Variants in COL6A5 observed in about 807,000 individuals in gnomAD.
The protein encoded by COL6A5 is collagen type VI alpha 5 chain, also known as collagen alpha-5(VI) chain.
Under a neutral mutation model 65.6 loss-of-function variants are expected in COL6A5, and 48 were observed. The ratio of observed to expected loss-of-function variants is 0.73; its 90% CI spans 0.58 to 0.93. COL6A5 has a LOEUF of 0.93. Ranked by LOEUF, COL6A5 falls within the 40% of genes least tolerant of loss-of-function variation. The probability of loss-of-function intolerance (pLI) is 0.00; values close to 1 mark genes in which losing one functional copy is unlikely to be tolerated. For missense variants in COL6A5, 914 were observed against 928.3 expected (o/e 0.98, Z 0.20); for synonymous variants, 291 against 322.8 (o/e 0.90, Z 1.05).
In COL6A5 at chr3:130,398,024, C is replaced by T; in HGVS notation, c.3910-6C>T. 1.9e-6 allele frequency: 3 copies of T among 1,550,174 alleles called. No homozygotes were observed. The highest frequency in any genetic ancestry group is 2.6e-6 in the Non-Finnish European group (3 of 1,145,842). ...TTTACACCATACCATTTTCTTATTT[C>T]TCCAGGTGCTGCTTATTTTTTCAGA... On this transcript the variant is annotated splice_region_variant and splice_polypyrimidine_tract_variant and intron_variant and NMD_transcript_variant, in intron 9 of 41. Coordinates refer to the COL6A5 transcript ENST00000312481.
intron 5 of COL6A5, among the ~76,000 whole-genome samples, chr3:130,386,508 A>G (rs1161228467): frequency 1.3e-5 from 2 of 152,108 alleles, no homozygotes; most frequent in Admixed American, 6.6e-5. Context: ...AAATAGCATT[A>G]ACAACAAAAT....
rs1433131383 is a variant in COL6A5 at position 130,397,715 on chromosome 3, T to G, written c.3701T>G (p.Val1234Gly). 4 of 1,550,856 alleles carry G rather than the reference T, an allele frequency of 2.6e-6. No individual in the cohort carries two copies. In the East Asian group the frequency reaches 9.8e-5, roughly 38 times the overall value. ...GAAGACATCAGCTCTATCAAGGGGGTGAGCTGTGGGGCTGGCACAGAGGCA... is the reference window on the plus strand; with the variant it reads ...GAAGACATCAGCTCTATCAAGGGGGGGAGCTGTGGGGCTGGCACAGAGGCA... Residue 1234 changes from valine (V) to glycine (G), a missense_variant and NMD_transcript_variant, in exon 9 of 42, where the codon GTG becomes GGG. Coordinates refer to the COL6A5 transcript ENST00000312481.
At chr3:130,388,596 G>A (rs778206462) in exon 6 of COL6A5, 1 of 1,544,094 alleles carries the variant, frequency 6.5e-7, no homozygotes, top group South Asian at 1.2e-5. Flanking sequence ...AAGACATGAA[G>A]GCCGACATCA....
rs1470473360 is a variant in COL6A5, at chr3:130,385,381, A to C, written c.1861+17A>C. On this transcript the variant is annotated intron_variant and NMD_transcript_variant, in intron 5 of 41. Coordinates refer to the COL6A5 transcript ENST00000312481. ...CTGAAAAAGGTAAGCAACACAAAAA[A>C]GGCTTTATTCTCCACATTTCATCAA... 9.1e-6 allele frequency: 14 copies of C among 1,543,520 alleles called. No homozygotes were observed. The highest frequency in any genetic ancestry group is 2.0e-5 in the Admixed American group (1 of 49,872).
chr3:130,459,222 A>G lies in COL6A5; in HGVS notation c.1544+3556A>G, dbSNP rs819079. Among the ~76,000 whole-genome samples the G allele has an allele frequency of 2.0e-5, 3 of 152,074 alleles. No homozygotes were observed. In the East Asian group the frequency reaches 5.8e-4, roughly 30 times the overall value. The stretch of plus-strand genomic sequence containing the variant: ...TCAATGAGCTCATTAAGAAATGAGA[A>G]GCAACACTTGAGCCTTCAGACTAAG... On this transcript the variant is annotated intron_variant, in intron 5 of 7. Transcript: ENST00000512836.
chr3:130,484,256 C>A (rs960987360), exon 8 of COL6A5: 2 of 538,224 alleles, frequency 3.7e-6, no homozygotes, highest in Admixed American at 3.5e-5. Flanking sequence ...AGTAAGAAGA[C>A]CTGACAAACC....
intron 13 of COL6A5, 84 bp from the exon 14 acceptor site, chr3:130,405,504 T>C (rs1936954524): frequency 3.3e-6 from 3 of 918,608 alleles, no homozygotes; most frequent in Non-Finnish European, 5.1e-6. Context: ...CCCATGTGCT[T>C]TGTCTTAACT....
At chr3:130,456,698 T>G (rs1266176552) in intron 5 of COL6A5, among the ~76,000 whole-genome samples, 4 of 152,116 alleles carry the variant, frequency 2.6e-5, no homozygotes, top group Non-Finnish European at 5.9e-5. Context: ...AAATGCTTGT[T>G]TGGCAGAATG....
chr3:130,357,977 C>G (rs1321640762), intron 1 of COL6A5, among the ~76,000 whole-genome samples: 1 of 152,004 alleles, frequency 6.6e-6, no homozygotes, highest in Non-Finnish European at 1.5e-5. Context: ...ATCACGAGGT[C>G]AGGTGATCGA....
intron 1 of COL6A5, among the ~76,000 whole-genome samples, chr3:130,349,046 C>A (rs1934607058): frequency 6.6e-6 from 1 of 151,994 alleles, no homozygotes; most frequent in Admixed American, 6.6e-5. Context: ...AATTGCCTAC[C>A]CAATATTCTA....
chr3:130,461,433 T>G (rs1469510561), intron 5 of COL6A5, among the ~76,000 whole-genome samples: 1 of 152,144 alleles, frequency 6.6e-6, no homozygotes, highest in African/African-American at 2.4e-5. Flanking sequence ...TAGACATTAT[T>G]TTATTTAATC....
chr3:130,397,540 C>A, intron 8 of COL6A5, 43 bp from the exon 9 acceptor site: 1 of 1,455,412 alleles, frequency 6.9e-7, no homozygotes, highest in South Asian at 1.3e-5. Context: ...CTTCCTTACT[C>A]CTGTCTACTC....
At chr3:130,413,007 A>T (rs1937224648) in intron 20 of COL6A5, among the ~76,000 whole-genome samples, 1 of 152,130 alleles carries the variant, frequency 6.6e-6, no homozygotes, top group African/African-American at 2.4e-5. Context: ...TCTCTCAAGG[A>T]GGCAAAGACA....
intron 4 of COL6A5, 148 bp downstream of exon 36, chr3:130,443,714 C>T (rs1709241392): frequency 3.9e-6 from 2 of 514,488 alleles, no homozygotes; most frequent in Non-Finnish European, 7.0e-6. Context: ...GCAGAAATTA[C>T]ATATCAAGTA....
chr3:130,407,515 G>A (rs1284668331), intron 17 of COL6A5, among the ~76,000 whole-genome samples: 1 of 152,242 alleles, frequency 6.6e-6, no homozygotes, highest in Admixed American at 6.5e-5. Context: ...GAGAAGTGAT[G>A]AAGCCTTCAA....
At chr3:130,437,995 TTTTTG>T (rs1390652636) in intron 1 of COL6A5, among the ~76,000 whole-genome samples, 3 of 152,020 alleles carry the variant, frequency 2.0e-5, no homozygotes. Flanking sequence ...TTTGTTTGCT[TTTTTG>T]TTTTGTTTTG....
intron 4 of COL6A5, among the ~76,000 whole-genome samples, chr3:130,381,583 T>C (rs911261513): frequency 3.3e-5 from 5 of 152,084 alleles, no homozygotes; most frequent in African/African-American, 1.2e-4. Flanking sequence ...TGCTATAGTT[T>C]TACTGAGCTC....
chr3:130,433,294 A>C (rs921413729), intron 1 of COL6A5, among the ~76,000 whole-genome samples: 1 of 152,200 alleles, frequency 6.6e-6, no homozygotes, highest in Non-Finnish European at 1.5e-5. Flanking sequence ...TCCAGAATAC[A>C]AGAAATCTTA....
intron 14 of COL6A5, 134 bp from the exon 15 acceptor site, chr3:130,405,859 G>T: frequency 1.0e-6 from 1 of 960,810 alleles, no homozygotes; most frequent in Non-Finnish European, 1.6e-6. Context: ...TTAATAAATT[G>T]CATCTCTAAC....
Sources: allele counts gnomAD v4.1 joint callset (sites outside exome capture counted in the v4.1 genomes callset), GRCh38; gene constraint gnomAD v4.1.1; transcripts MANE v1.5; gene names NCBI Gene and HGNC (gene_info 2026-07-23, HGNC 2026-07-21).